The following MED13 variants were observed in gnomAD, a reference collection of about 807,000 sequenced individuals.
MED13 encodes mediator of RNA polymerase II transcription subunit 13.
A neutral mutation model predicts 225.2 loss-of-function variants in MED13; 23 were observed. The observed-to-expected ratio is 0.10, with a 90% CI of 0.07 to 0.14. MED13 has a LOEUF of 0.14. Among genes scored for constraint, MED13 ranks in the 10% least tolerant of loss-of-function variants. The pLI is 1.00. For missense variants in MED13, 2,197 were observed against 2,594.5 expected (o/e 0.85, Z 3.33); for synonymous variants, 942 against 889.2 (o/e 1.06, Z -1.06).
rs2079831510 is a variant in MED13 at position 61,943,683 on chromosome 17, T to G, written c.*2785A>C. The G allele has an allele frequency of 6.6e-6, 1 of 152,638 alleles. No individual in the cohort carries two copies. Among genetic ancestry groups the G allele is most frequent in the African/African-American group, 2.4e-5 (1 of 41,474 alleles). 9.5% of individuals were successfully genotyped at this position (152,638 alleles called of 1,614,324 possible). On this transcript the variant is annotated 3_prime_UTR_variant, in exon 30 of 30. Transcript: ENST00000397786. ...CCAAACAATAAGGTGTACAGAAATT[T>G]ATTCATACAGTGTTAATTCACAGTC...
intron 8 of MED13, among the ~76,000 whole-genome samples, chr17:62,022,145 G>A (rs577696679): frequency 4.1e-5 from 6 of 145,944 alleles, no homozygotes; most frequent in Admixed American, 1.4e-4. Context: ...TTCAGCCTGG[G>A]CAACAGAGCA....
At chr17:61,956,951 T>G (rs1294060322) in intron 23 of MED13, among the ~76,000 whole-genome samples, 1 of 152,220 alleles carries the variant, frequency 6.6e-6, no homozygotes, top group Admixed American at 6.5e-5. Flanking sequence ...AGGTTTGGCA[T>G]CTGAGTTTGC....
chr17:62,052,548 A>G lies in MED13; in HGVS notation c.459T>C (p.Pro153=). ...FVKPYEKDEK[P]INKSEHLSCS... is the part of the protein sequence containing the mutation. The stretch of plus-strand genomic sequence containing the variant: ...TTAAGATAGCTTACCTTTTATTTAT[A>G]GGTTTTTCATCTTTTTCATAAGGCT... The change falls in exon 3 of 30, where the codon CCT becomes CCC. Residue 153 remains proline (P), a synonymous_variant. Transcript: ENST00000397786. The G allele has an allele frequency of 6.4e-7, 1 of 1,574,712 alleles. No individual in the cohort carries two copies. The highest frequency in any genetic ancestry group is 1.2e-5 in the South Asian group (1 of 83,412).
In MED13 at chr17:61,962,738, T is replaced by C. The variant is rs547568332; in HGVS notation, c.5064+14A>G. 558 of 1,605,226 alleles carry C rather than the reference T, an allele frequency of 3.5e-4. 11 individuals are homozygous for C. The South Asian group carries it at 5.8e-3, about 17-fold the overall frequency. ...TTTTACATAATTTTAACTCACAACA[T>C]CTATCACTCTTACCTGTACAGAAAC... On this transcript the variant is annotated intron_variant, in intron 21 of 29. Transcript: ENST00000397786.
intron 24 of MED13, among the ~76,000 whole-genome samples, 176 bp from the exon 25 acceptor site, chr17:61,956,014 T>C (rs571179098): frequency 5.3e-5 from 8 of 152,196 alleles, no homozygotes; most frequent in Non-Finnish European, 1.0e-4. Flanking sequence ...CTGCTGATGC[T>C]ACTGAACATT....
At chr17:62,041,626 G>A (rs1289811223) in intron 3 of MED13, among the ~76,000 whole-genome samples, 1 of 152,040 alleles carries the variant, frequency 6.6e-6, no homozygotes, top group Non-Finnish European at 1.5e-5. Context: ...ACTCAGGCTG[G>A]AGTGCAGTGG....
intron 3 of MED13, among the ~76,000 whole-genome samples, chr17:62,043,492 G>A (rs951443131): frequency 1.7e-4 from 26 of 152,036 alleles, no homozygotes; most frequent in African/African-American, 6.3e-4. Context: ...ACAAGGTACG[G>A]GATTCTTCTT....
chr17:62,008,346 G>GAAAAAAAAAAAAAAAA (rs2080474504), intron 9 of MED13, among the ~76,000 whole-genome samples: 1 of 101,418 alleles, frequency 9.9e-6, no homozygotes, highest in African/African-American at 4.6e-5. Flanking sequence ...AAAAAAAATT[G>GAAAAAAAAAAAAAAAA]AGTTAGCCTT....
chr17:61,994,869 C>T (rs1223324786), intron 10 of MED13, among the ~76,000 whole-genome samples: 2 of 152,156 alleles, frequency 1.3e-5, no homozygotes, highest in Non-Finnish European at 2.9e-5. Context: ...CACCACCACA[C>T]CCAGCTACTT....
chr17:62,008,905 T>C (rs1276544729), intron 9 of MED13, among the ~76,000 whole-genome samples: 1 of 152,004 alleles, frequency 6.6e-6, no homozygotes, highest in Non-Finnish European at 1.5e-5. Flanking sequence ...TGGAGCAATC[T>C]GATGTTGAGA....
intron 3 of MED13, among the ~76,000 whole-genome samples, chr17:62,048,073 T>C (rs1158326841): frequency 6.8e-6 from 1 of 146,138 alleles, no homozygotes; most frequent in African/African-American, 2.5e-5. Context: ...TGTATATATG[T>C]ATATATATAT....
chr17:61,948,251 G>A (rs1031449004), intron 28 of MED13, among the ~76,000 whole-genome samples: 2 of 152,004 alleles, frequency 1.3e-5, no homozygotes, highest in African/African-American at 4.8e-5. Flanking sequence ...GGTAAATTAT[G>A]CCTTAGGTGA....
Position 61,943,581 on chromosome 17 carries a change from A to C in MED13, c.*2887T>G, listed in dbSNP as rs2079830812. 1.3e-5 allele frequency: 2 copies of C among 152,614 alleles called. No individual in the cohort carries two copies. The highest frequency in any genetic ancestry group is 4.8e-5 in the African/African-American group (2 of 41,456). The allele number at this position is 152,614 out of a possible 1,614,324, so 9.5% of individuals were successfully genotyped here. ...GAGCTTAATTTTAGTGGTTTAAGAAAAGTTTAGAAATATTTAAAAATTACA... is the reference window on the plus strand; with the variant it reads ...GAGCTTAATTTTAGTGGTTTAAGAACAGTTTAGAAATATTTAAAAATTACA... On this transcript the variant is annotated 3_prime_UTR_variant, in exon 30 of 30. Coordinates refer to ENST00000397786, the MANE Select transcript of MED13 (RefSeq NM_005121.3).
At position 62,052,382 on chromosome 17, in the gene MED13, TAAAA is replaced by T. The variant is rs201715960; in HGVS notation, c.470+151_470+154del. 1.2e-3 allele frequency among the ~76,000 whole-genome samples: 168 copies of T among 142,050 alleles called. 2 individuals carry two copies. Among genetic ancestry groups the T allele is most frequent in the Admixed American group, 6.9e-3 (98 of 14,112 alleles). 93.2% of individuals were successfully genotyped at this position (142,050 alleles called of 152,430 possible). A position where few individuals can be genotyped will look rare whatever the true frequency, so the allele number is the denominator to read the frequency against. The stretch of plus-strand genomic sequence containing the variant: ...ATAAAGGGAAGTTTGTAAAGTGGTT[TAAAA>T]AAAAAAAAAACCTGACTGTATCTAG... On this transcript the variant is annotated intron_variant, in intron 3 of 29. Transcript: ENST00000397786.
intron 7 of MED13, 50 bp downstream of exon 7, chr17:62,029,801 T>C (rs773962230): frequency 1.8e-5 from 27 of 1,538,938 alleles, no homozygotes; most frequent in Non-Finnish European, 2.4e-5. Context: ...CTTCTAATTA[T>C]AAGTAATTAT....
Position 62,010,771 on chromosome 17 carries a change from C to A in MED13, c.1746G>T (p.Leu582Phe), listed in dbSNP as rs2080500106. The A allele has an allele frequency of 1.2e-6, 2 of 1,614,096 alleles. No individual in the cohort carries two copies. The highest frequency in any genetic ancestry group is 2.7e-5 in the African/African-American group (2 of 75,042). ...GATATTGAGGTGGGAAAGACTGGGA[C>A]AAACTGTCTATCCTATCTTCCATTG... ...SKPMEDRIDS[L>F]SQSFPPQYQE... Residue 582 changes from leucine to phenylalanine, a missense_variant, in exon 9 of 30, where the codon TTG (leucine) becomes TTT (phenylalanine). By Grantham distance (22) the Leu-to-Phe change is conservative. Coordinates refer to ENST00000397786, the MANE Select transcript of MED13 (RefSeq NM_005121.3).
chr17:62,056,141 A>G (rs182146887), intron 2 of MED13, among the ~76,000 whole-genome samples: 112 of 152,176 alleles, frequency 7.4e-4, no homozygotes, highest in African/African-American at 2.6e-3. Flanking sequence ...AACGCTCAAT[A>G]AAGTCTGAAG....
At chr17:61,998,510 T>C (rs2080364651) in intron 9 of MED13, among the ~76,000 whole-genome samples, 1 of 152,030 alleles carries the variant, frequency 6.6e-6, no homozygotes, top group Non-Finnish European at 1.5e-5. Flanking sequence ...TGACAGTTTT[T>C]AAGATGACAA....
At chr17:61,984,109 T>C (rs1251778778) in intron 15 of MED13, 62 bp downstream of exon 15, 2 of 1,230,476 alleles carry the variant, frequency 1.6e-6, no homozygotes, top group Middle Eastern at 2.1e-4. Context: ...CAGGTAAATC[T>C]ATGAAAAAAA....
Sources: gnomAD v4.1 joint callset for allele counts (sites outside exome capture counted in the v4.1 genomes callset) on GRCh38, gnomAD v4.1.1 for gene constraint, MANE v1.5 for transcripts, NCBI Gene and HGNC (gene_info 2026-07-23, HGNC 2026-07-21) for gene names.